PHACTR1: variants seen among roughly 807,000 people sequenced by gnomAD.
The protein encoded by PHACTR1 is RPEL repeat containing 1.
A neutral mutation model predicts 69.2 loss-of-function variants in PHACTR1; 16 were observed. That is an observed-to-expected ratio of 0.23 (90% CI 0.16 to 0.35). The LOEUF (loss-of-function observed/expected upper bound fraction) is 0.35, where lower values mean the gene tolerates loss of function less well. PHACTR1 is among the 10% of genes least tolerant of loss of function. The probability of loss-of-function intolerance (pLI) is 1.00; values close to 1 mark genes in which losing one functional copy is unlikely to be tolerated. For synonymous variants in PHACTR1, 312 were observed against 284.5 expected, an observed-to-expected ratio of 1.10 and a Z score of -0.97; for missense variants, 510 against 734.7, an observed-to-expected ratio of 0.69 and a Z score of 3.54.
At chr6:13,030,807 C>G (rs1802353870) in intron 4 of PHACTR1, among the ~76,000 whole-genome samples, 1 of 152,212 alleles carries the variant, frequency 6.6e-6, no homozygotes, top group African/African-American at 2.4e-5. Flanking sequence ...GAGGTGAAAG[C>G]AGAACTCACT....
intron 6 of PHACTR1, among the ~76,000 whole-genome samples, chr6:13,176,693 T>C (rs1374197862): frequency 6.6e-6 from 1 of 152,206 alleles, no homozygotes; most frequent in East Asian, 1.9e-4. Flanking sequence ...TTTCTACTAT[T>C]CTATTTTTCG....
At chr6:12,810,227 A>AT (rs1774868673) in intron 4 of PHACTR1, among the ~76,000 whole-genome samples, 1 of 152,208 alleles carries the variant, frequency 6.6e-6, no homozygotes, top group African/African-American at 2.4e-5. Context: ...TTTCAAACTC[A>AT]TTTTTTTCTC....
At chr6:13,150,743 T>G (rs1163434358) in intron 5 of PHACTR1, among the ~76,000 whole-genome samples, 2 of 152,208 alleles carry the variant, frequency 1.3e-5, no homozygotes, top group Non-Finnish European at 2.9e-5. Flanking sequence ...GGAAGACCAC[T>G]AGGTTTTTCT....
At chr6:12,934,222 T>C (rs1262722775) in intron 4 of PHACTR1, among the ~76,000 whole-genome samples, 2 of 152,240 alleles carry the variant, frequency 1.3e-5, no homozygotes, top group African/African-American at 4.8e-5. Flanking sequence ...GTTCACATTA[T>C]CTTTCCTTTG....
chr6:12,805,686 C>T (rs1171548740), intron 4 of PHACTR1, among the ~76,000 whole-genome samples: 2 of 151,794 alleles, frequency 1.3e-5, no homozygotes, highest in Admixed American at 6.6e-5. Context: ...CTGCAACCTC[C>T]ACCTCCTAGG....
intron 5 of PHACTR1, among the ~76,000 whole-genome samples, chr6:13,096,813 G>A (rs1222567341): frequency 6.6e-6 from 1 of 152,192 alleles, no homozygotes; most frequent in East Asian, 1.9e-4. Context: ...AAAATAACAA[G>A]GAGAGATTGG....
intron 3 of PHACTR1, 125 bp downstream of exon 3, chr6:12,718,972 C>T (rs1581395717): frequency 2.0e-6 from 1 of 492,928 alleles, no homozygotes; most frequent in East Asian, 3.1e-5. Context: ...AAGTTGATAA[C>T]CTCTACCAAA....
At position 12,745,815 on chromosome 6, in the gene PHACTR1, T is replaced by C. The variant is rs114931350; in HGVS notation, c.104-3829T>C. Among the ~76,000 whole-genome samples, 402 of 152,320 alleles carry C rather than the reference T, an allele frequency of 2.6e-3. 1 individual carries two copies. The highest frequency in any genetic ancestry group is 8.7e-3 in the African/African-American group (361 of 41,574). ...CCTTTAAGATCATGATATCTGACCC[T>C]TGCATTTTTATAGTGGAGGTGAATG... On this transcript the variant is annotated intron_variant, in intron 3 of 14. Coordinates refer to ENST00000332995, the MANE Select transcript of PHACTR1 (RefSeq NM_030948.6).
chr6:13,219,970 G>A (rs2127275101), intron 8 of PHACTR1, among the ~76,000 whole-genome samples: 1 of 152,276 alleles, frequency 6.6e-6, no homozygotes, highest in African/African-American at 2.4e-5. Flanking sequence ...TCACTGCCGA[G>A]TGATCACTGT....
chr6:13,164,242 G>A (rs1276601245), intron 6 of PHACTR1, among the ~76,000 whole-genome samples: 1 of 152,092 alleles, frequency 6.6e-6, no homozygotes, highest in African/African-American at 2.4e-5. Context: ...AGATTCGGGG[G>A]GTAAAGCAAA....
intron 8 of PHACTR1, among the ~76,000 whole-genome samples, chr6:13,210,177 T>G (rs959342711): frequency 1.1e-4 from 17 of 152,210 alleles, no homozygotes; most frequent in East Asian, 5.8e-4. Flanking sequence ...CCAGTTAATT[T>G]TTTTTTATTA....
chr6:13,166,163 C>T (rs1335114191), intron 6 of PHACTR1, among the ~76,000 whole-genome samples: 3 of 152,182 alleles, frequency 2.0e-5, no homozygotes, highest in Admixed American at 1.3e-4. Flanking sequence ...CTCCTCTTTC[C>T]AGCCTTGGCT....
intron 8 of PHACTR1, among the ~76,000 whole-genome samples, chr6:13,216,081 A>G (rs760231410): frequency 9.2e-5 from 14 of 152,248 alleles, no homozygotes; most frequent in Non-Finnish European, 1.8e-4. Context: ...TGTCAAGAAT[A>G]TTGAAAAAGG....
chr6:13,138,296 G>A (rs1309905172), intron 5 of PHACTR1, among the ~76,000 whole-genome samples: 1 of 152,204 alleles, frequency 6.6e-6, no homozygotes, highest in East Asian at 1.9e-4. Flanking sequence ...CTGGAAAGAC[G>A]TTCCTGGGTT....
At chr6:12,855,218 T>C (rs1463396227) in intron 4 of PHACTR1, among the ~76,000 whole-genome samples, 1 of 152,158 alleles carries the variant, frequency 6.6e-6, no homozygotes, top group Non-Finnish European at 1.5e-5. Flanking sequence ...AAAAACCAAT[T>C]GGCCGGGTGC....
intron 5 of PHACTR1, among the ~76,000 whole-genome samples, chr6:13,134,234 C>T (rs548669619): frequency 3.7e-4 from 56 of 151,400 alleles, no homozygotes; most frequent in African/African-American, 1.3e-3. Flanking sequence ...CGCCAGCCGC[C>T]CTGTCCGGGA....
chr6:12,951,124 G>A (rs899342301), intron 4 of PHACTR1, among the ~76,000 whole-genome samples: 1 of 152,210 alleles, frequency 6.6e-6, no homozygotes, highest in Non-Finnish European at 1.5e-5. Flanking sequence ...ATTGGCAGTG[G>A]CATTGACTTG....
rs568422876 is a variant in PHACTR1, at chr6:12,875,030, CCAAATAAATAAATGAA to C, written c.250+125256_250+125271del. Among the ~76,000 whole-genome samples the C allele has an allele frequency of 3.6e-3, 546 of 151,932 alleles. 3 individuals are homozygous for C. The highest frequency in any genetic ancestry group is 0.011 in the African/African-American group (475 of 41,422). On this transcript the variant is annotated intron_variant, in intron 4 of 14. Transcript: ENST00000332995. ...CAAAGAAGAATTTCCTGATTTTGCA[CCAAATAAATAAATGAA>C]CAAATAAATAAATGAGGCTTATGTA...
intron 4 of PHACTR1, among the ~76,000 whole-genome samples, chr6:13,001,941 T>C (rs1355211256): frequency 6.6e-6 from 1 of 152,228 alleles, no homozygotes. Context: ...TGGATTCAAA[T>C]TGATTTGGAT....
Sources: gnomAD v4.1 joint callset for allele counts (sites outside exome capture counted in the v4.1 genomes callset) on GRCh38, gnomAD v4.1.1 for gene constraint, MANE v1.5 for transcripts, NCBI Gene and HGNC (gene_info 2026-07-23, HGNC 2026-07-21) for gene names.